Variants in THSD4 observed in about 807,000 individuals in gnomAD.
The protein encoded by THSD4 is thrombospondin type 1 domain containing 4.
A neutral mutation model predicts 119.0 loss-of-function variants in THSD4; 69 were observed. The observed-to-expected ratio is 0.58, with a 90% confidence interval of 0.48 to 0.71. THSD4 has a LOEUF of 0.71. Among genes scored for constraint, THSD4 ranks in the 30% least tolerant of loss-of-function variants. The pLI, the probability that THSD4 is intolerant of heterozygous loss-of-function variation, is 0.00. For synonymous variants in THSD4, 524 were observed against 540.4 expected, an observed-to-expected ratio of 0.97 and a Z score of 0.42; for missense variants, 1,393 against 1,391.1, an observed-to-expected ratio of 1.00 and a Z score of -0.02.
chr15:71,528,251 A>G (rs11858441), intron 7 of THSD4, among the ~76,000 whole-genome samples: 113,917 of 151,990 alleles, frequency 0.75, 43,080 homozygotes, highest in East Asian at 0.9. Context: ...TGAGAGGTAA[A>G]TGCTCTTGCC....
At chr15:71,656,940 A>G (rs952086313) in intron 7 of THSD4, among the ~76,000 whole-genome samples, 1 of 152,200 alleles carries the variant, frequency 6.6e-6, no homozygotes, top group African/African-American at 2.4e-5. Context: ...GAGGACAGTC[A>G]GAAAGGCCTG....
At chr15:71,354,863 C>G (rs1475455623) in intron 6 of THSD4, among the ~76,000 whole-genome samples, 1 of 152,188 alleles carries the variant, frequency 6.6e-6, no homozygotes, top group Non-Finnish European at 1.5e-5. Flanking sequence ...ATACAAAACT[C>G]TGGTTATGCT....
chr15:71,272,012 G>T (rs563080242), intron 6 of THSD4, among the ~76,000 whole-genome samples: 8 of 152,064 alleles, frequency 5.3e-5, no homozygotes, highest in Non-Finnish European at 1.0e-4. Flanking sequence ...CCACAGATTG[G>T]GAGAAAATAT....
chr15:71,654,634 G>A (rs936235924), intron 7 of THSD4, among the ~76,000 whole-genome samples: 1 of 152,134 alleles, frequency 6.6e-6, no homozygotes. Flanking sequence ...CATATACAAA[G>A]GATTTCTTTC....
At chr15:71,407,546 T>C (rs1293414362) in intron 6 of THSD4, among the ~76,000 whole-genome samples, 1 of 152,174 alleles carries the variant, frequency 6.6e-6, no homozygotes, top group Non-Finnish European at 1.5e-5. Context: ...ACTTTTAGCT[T>C]TTAGTTGCTT....
intron 7 of THSD4, among the ~76,000 whole-genome samples, chr15:71,595,524 G>A (rs528250246): frequency 6.6e-6 from 1 of 152,300 alleles, no homozygotes; most frequent in Admixed American, 6.5e-5. Context: ...ATGTGGAACT[G>A]TAAGTCCAAT....
intron 7 of THSD4, among the ~76,000 whole-genome samples, chr15:71,453,001 TTATCTC>T (rs1280113109): frequency 6.6e-6 from 1 of 152,256 alleles, no homozygotes; most frequent in East Asian, 1.9e-4. Context: ...ACCAGAAAGT[TTATCTC>T]TGTCTCTGCT....
Position 71,242,639 on chromosome 15 carries a change from C to G in THSD4, c.465-10C>G, listed in dbSNP as rs2044162766. 6.2e-7 allele frequency: 1 copy of G among 1,609,452 alleles called. No individual in the cohort carries two copies. Among genetic ancestry groups the G allele is most frequent in the Non-Finnish European group, 8.5e-7 (1 of 1,176,666 alleles). ...TCTGATCATCTCCTCTCTTGTCTAT[C>G]TCTCTTTAGGAGCAGGACCCGTGGT... On this transcript the variant is annotated splice_polypyrimidine_tract_variant and intron_variant, in intron 4 of 17. Transcript: ENST00000261862.
chr15:71,409,255 G>A (rs2046650968), intron 6 of THSD4, among the ~76,000 whole-genome samples: 1 of 152,060 alleles, frequency 6.6e-6, no homozygotes, highest in Non-Finnish European at 1.5e-5. Context: ...AGATAGTTGG[G>A]AGGAAGCCAA....
At chr15:71,173,029 A>G (rs1228122519) in intron 3 of THSD4, among the ~76,000 whole-genome samples, 1 of 152,020 alleles carries the variant, frequency 6.6e-6, no homozygotes, top group Non-Finnish European at 1.5e-5. Context: ...AGGAGAAGCA[A>G]TTAGGCAAGA....
At chr15:71,199,587 G>GGTGT in intron 3 of THSD4, among the ~76,000 whole-genome samples, 1 of 130,134 alleles carries the variant, frequency 7.7e-6, no homozygotes, top group South Asian at 2.6e-4. Flanking sequence ...TGTGTGTGTG[G>GGTGT]GTGTGTGTGA....
chr15:71,341,276 A>G (rs746818042), intron 6 of THSD4: 59 of 1,597,456 alleles, frequency 3.7e-5, no homozygotes, highest in Middle Eastern at 2.2e-4. Flanking sequence ...GATCATCTCA[A>G]TGTGGCAGGG....
At chr15:71,389,809 T>TG (rs1566965813) in intron 6 of THSD4, among the ~76,000 whole-genome samples, 5 of 119,650 alleles carry the variant, frequency 4.2e-5, no homozygotes, top group African/African-American at 1.2e-4. Context: ...TTTTCTGGGT[T>TG]GTTTTTTTTT....
chr15:71,101,895 G>T (rs949154260), intron 1 of THSD4, among the ~76,000 whole-genome samples: 27 of 151,860 alleles, frequency 1.8e-4, no homozygotes, highest in African/African-American at 5.6e-4. Flanking sequence ...TTGTATTTTC[G>T]TAGAGACGGG....
At chr15:71,629,438 C>T (rs1402764299) in intron 7 of THSD4, among the ~76,000 whole-genome samples, 1 of 152,124 alleles carries the variant, frequency 6.6e-6, no homozygotes, top group African/African-American at 2.4e-5. Flanking sequence ...CCAGTGGGAC[C>T]CTGAGGGCCT....
rs1284980019 is a variant in THSD4 at position 71,115,550 on chromosome 15, C to G, written c.-228C>G. The G allele has an allele frequency of 6.6e-6, 1 of 150,776 alleles. No individual in the cohort carries two copies. The allele number at this position is 150,776 out of a possible 1,614,324, so 9.3% of individuals were successfully genotyped here. A position where few individuals can be genotyped will look rare whatever the true frequency, so the allele number is the denominator to read the frequency against. On this transcript the variant is annotated 5_prime_UTR_variant, in exon 1 of 18. Coordinates refer to ENST00000261862, the MANE Select transcript of THSD4 (RefSeq NM_024817.3). The surrounding 1 kb of genome is among the most constrained non-coding windows in gnomAD (Gnocchi z 4.4). ...AGCCCGACGCGGAATCGGGGCACAG[C>G]GGGAGCCCGTGCAGGGCGGGCGCGG...
At chr15:71,342,144 A>G (rs2045587833) in intron 6 of THSD4, among the ~76,000 whole-genome samples, 1 of 147,744 alleles carries the variant, frequency 6.8e-6, no homozygotes, top group African/African-American at 2.4e-5. Context: ...CATAAAAAAA[A>G]AAGGTGGGGG....
chr15:71,346,637 T>G (rs144130673), intron 6 of THSD4, among the ~76,000 whole-genome samples: 42 of 152,272 alleles, frequency 2.8e-4, no homozygotes, highest in African/African-American at 7.5e-4. Flanking sequence ...TCGTCCATTT[T>G]TTTTGGAGAA....
chr15:71,335,570 G>A (rs1443865874), intron 6 of THSD4, among the ~76,000 whole-genome samples: 6 of 152,142 alleles, frequency 3.9e-5, no homozygotes. Context: ...ATTGATGAGT[G>A]ATGTCTGTCA....
Sources: gnomAD v4.1 joint callset for allele counts (sites outside exome capture counted in the v4.1 genomes callset) on GRCh38, gnomAD v4.1.1 for gene constraint, Gnocchi (gnomAD v3.1) non-coding constraint, MANE v1.5 for transcripts, NCBI Gene and HGNC (gene_info 2026-07-23, HGNC 2026-07-21) for gene names.